Variants in CYP2C19 observed in about 807,000 individuals in gnomAD.
CYP2C19 encodes the protein cytochrome P450 family 2 subfamily C member 19, also known as cytochrome P450 2C19.
Under a neutral mutation model 40.9 loss-of-function variants are expected in CYP2C19, and 59 were observed. The observed-to-expected ratio is 1.44, with a 90% CI of 1.17 to 1.79. The LOEUF is 1.79. Ranked by LOEUF, CYP2C19 falls within the 40% of genes most tolerant of loss-of-function variation. The probability of loss-of-function intolerance (pLI) is 0.00; values close to 1 mark genes in which losing one functional copy is unlikely to be tolerated. For missense variants in CYP2C19, 754 were observed against 596.9 expected (o/e 1.26, Z -2.74); for synonymous variants, 253 against 208.7 (o/e 1.21, Z -1.83).
chr10:94,814,868 G>A (rs1026157261), intron 5 of CYP2C19, among the ~76,000 whole-genome samples: 7 of 140,970 alleles, frequency 5.0e-5, no homozygotes, highest in Non-Finnish European at 6.1e-5. Flanking sequence ...TGGGTCTTGC[G>A]GTGCAGGTTC....
At chr10:94,766,908 A>AG (rs1848253216) in intron 1 of CYP2C19, among the ~76,000 whole-genome samples, 3 of 152,104 alleles carry the variant, frequency 2.0e-5, no homozygotes, top group Admixed American at 2.0e-4. Flanking sequence ...GGCCATAGAT[A>AG]GGGAGGTAGA....
At chr10:94,800,743 A>G (rs1370301978) in intron 5 of CYP2C19, among the ~76,000 whole-genome samples, 1 of 151,852 alleles carries the variant, frequency 6.6e-6, no homozygotes, top group Non-Finnish European at 1.5e-5. Context: ...CCCTTCCCCC[A>G]CCTGGCTGCA....
chr10:94,766,122 G>A (rs564399711), intron 1 of CYP2C19, among the ~76,000 whole-genome samples: 13 of 152,072 alleles, frequency 8.5e-5, no homozygotes, highest in Non-Finnish European at 1.9e-4. Flanking sequence ...TAATGAAGGT[G>A]GTAGGTTAAT....
intron 6 of CYP2C19, among the ~76,000 whole-genome samples, chr10:94,828,609 CTT>C (rs1004558197): frequency 1.3e-5 from 2 of 148,980 alleles, no homozygotes; most frequent in African/African-American, 2.5e-5. Flanking sequence ...GGTCTTGACT[CTT>C]TATCCAATTT....
chr10:94,852,818 A>T lies in CYP2C19; in HGVS notation c.1377A>T (p.Lys459Asn). Residue 459 changes from lysine to asparagine, a missense_variant, in exon 9 of 9, where the codon AAA becomes AAT. Coordinates refer to ENST00000371321, the MANE Select transcript of CYP2C19 (RefSeq NM_000769.4). ...LTFILQNFNL[K>N]SLIDPKDLDT... is the part of the protein sequence containing the mutation. ...TCATTTTACAGAACTTTAACCTGAA[A>T]TCTCTGATTGACCCAAAGGACCTTG... The T allele has an allele frequency of 6.2e-7, 1 of 1,613,988 alleles. No homozygotes were observed. Among genetic ancestry groups the T allele is most frequent in the South Asian group, 1.1e-5 (1 of 91,072 alleles).
At chr10:94,778,476 C>G (rs566866673) in intron 3 of CYP2C19, among the ~76,000 whole-genome samples, 1 of 152,118 alleles carries the variant, frequency 6.6e-6, no homozygotes, top group African/African-American at 2.4e-5. Context: ...ACAGACACTT[C>G]TCAAAAGAAG....
rs1387722897 is a variant in CYP2C19 at position 94,775,531 on chromosome 10, A to G, written c.473A>G (p.Lys158Arg). The G allele has an allele frequency of 1.2e-6, 2 of 1,613,904 alleles. No homozygotes were observed. Among genetic ancestry groups the G allele is most frequent in the East Asian group, 2.2e-5 (1 of 44,878 alleles). The part of the protein sequence containing the change: ...EARCLVEELR[K>R]TKASPCDPTF... ...CGCTGCCTTGTGGAGGAGTTGAGAA[A>G]AACCAAGGGTGGGTGAACATACTCT... Residue 158 changes from lysine (K) to arginine (R), a missense_variant, in exon 3 of 9, where the codon AAA becomes AGA. By Grantham distance (26) the Lys-to-Arg change is conservative. Coordinates refer to ENST00000371321, the MANE Select transcript of CYP2C19 (RefSeq NM_000769.4).
At chr10:94,804,073 T>G (rs1353986338) in intron 5 of CYP2C19, among the ~76,000 whole-genome samples, 1 of 151,846 alleles carries the variant, frequency 6.6e-6, no homozygotes, top group Non-Finnish European at 1.5e-5. Flanking sequence ...AAGAGTGGGG[T>G]GGCTAGGACT....
At chr10:94,850,484 A>C (rs1243380308) in intron 8 of CYP2C19, among the ~76,000 whole-genome samples, 1 of 152,158 alleles carries the variant, frequency 6.6e-6, no homozygotes, top group Non-Finnish European at 1.5e-5. Flanking sequence ...CAAACACAGA[A>C]TAGGGTCTTA....
At chr10:94,818,686 CTGTT>C (rs770847686) in intron 5 of CYP2C19, among the ~76,000 whole-genome samples, 1,759 of 149,832 alleles carry the variant, frequency 0.012, 10 homozygotes, top group Non-Finnish European at 0.017. Flanking sequence ...ATTCGGCTCT[CTGTT>C]TGTCTGTTGT....
intron 6 of CYP2C19, among the ~76,000 whole-genome samples, chr10:94,827,694 G>T (rs140671969): frequency 1.0e-3 from 158 of 152,094 alleles, no homozygotes; most frequent in African/African-American, 3.7e-3. Context: ...GTTATTTGTT[G>T]CCTTCTGCTA....
intron 5 of CYP2C19, among the ~76,000 whole-genome samples, chr10:94,786,837 G>T (rs1243806068): frequency 6.6e-6 from 1 of 152,068 alleles, no homozygotes; most frequent in Non-Finnish European, 1.5e-5. Context: ...TTGCTGCAAA[G>T]ACATGATTTT....
intron 5 of CYP2C19, among the ~76,000 whole-genome samples, chr10:94,792,245 C>T (rs1589354526): frequency 6.6e-6 from 1 of 152,104 alleles, no homozygotes; most frequent in Admixed American, 6.5e-5. Flanking sequence ...TTATTTTGAG[C>T]CTATGTGTGT....
At chr10:94,849,695 T>C (rs529314664) in intron 7 of CYP2C19, among the ~76,000 whole-genome samples, 1 of 138,652 alleles carries the variant, frequency 7.2e-6, no homozygotes, top group East Asian at 2.2e-4. Context: ...TGTGTTCTCA[T>C]TGTTCAATTC....
In CYP2C19 at chr10:94,762,787, A is replaced by G. The variant is rs762085479; in HGVS notation, c.82A>G (p.Lys28Glu). Reference sequence around the variant, plus strand: ...CTGGAGACAGAGCTCTGGGAGAGGAAAACTCCCTCCTGGCCCCACTCCTCT... The same window carrying G: ...CTGGAGACAGAGCTCTGGGAGAGGAGAACTCCCTCCTGGCCCCACTCCTCT... ...SIWRQSSGRG[K>E]LPPGPTPLPV... Residue 28 changes from lysine to glutamate, a missense_variant, in exon 1 of 9, where the codon AAA becomes GAA. Coordinates refer to ENST00000371321, the MANE Select transcript of CYP2C19 (RefSeq NM_000769.4). The G allele has an allele frequency of 5.6e-6, 9 of 1,613,362 alleles. No homozygotes were observed. In the Admixed American group the frequency reaches 8.3e-5, roughly 15 times the overall value.
In CYP2C19 at chr10:94,839,835, G is replaced by A. The variant is rs976874230; in HGVS notation, c.962-3002G>A. On this transcript the variant is annotated intron_variant, in intron 6 of 8. Transcript: ENST00000371321. Reference sequence around the variant, plus strand: ...AAGGGAGTTCCTCCTATGTCTGGTCGGACTGTTGTATGGTAATTAAGATTT... The same window carrying A: ...AAGGGAGTTCCTCCTATGTCTGGTCAGACTGTTGTATGGTAATTAAGATTT... Among the ~76,000 whole-genome samples the A allele has an allele frequency of 3.3e-5, 5 of 152,264 alleles. No individual in the cohort carries two copies. In the East Asian group the frequency reaches 7.7e-4, roughly 24 times the overall value.
At chr10:94,816,344 A>G (rs1442597595) in intron 5 of CYP2C19, among the ~76,000 whole-genome samples, 2 of 151,504 alleles carry the variant, frequency 1.3e-5, no homozygotes, top group African/African-American at 4.8e-5. Flanking sequence ...CGGTATAATT[A>G]GACAGTCATT....
chr10:94,764,970 G>T (rs1383329467), intron 1 of CYP2C19, among the ~76,000 whole-genome samples: 1 of 152,094 alleles, frequency 6.6e-6, no homozygotes, highest in African/African-American at 2.4e-5. Context: ...TGATTGGTTA[G>T]TGTAAAAATT....
In CYP2C19 at chr10:94,799,542, T is replaced by A. The variant is rs142764961; in HGVS notation, c.819+17545T>A. ...TCTCTGTGTTTCCTAAATTTGAATG[T>A]TGGCCTGCCTTGCTAGGTTGGGGAA... is the stretch of plus-strand genomic sequence containing the variant. On this transcript the variant is annotated intron_variant, in intron 5 of 8. Transcript: ENST00000371321. 8.4e-3 allele frequency among the ~76,000 whole-genome samples: 1,277 copies of A among 152,312 alleles called. 23 individuals are homozygous for A. The highest frequency in any genetic ancestry group is 0.062 in the East Asian group (320 of 5,168).
Sources: gnomAD v4.1 joint callset for allele counts (sites outside exome capture counted in the v4.1 genomes callset) on GRCh38, gnomAD v4.1.1 for gene constraint, MANE v1.5 for transcripts, NCBI Gene and HGNC (gene_info 2026-07-23, HGNC 2026-07-21) for gene names.